The following ZRANB3 variants were observed in gnomAD, a reference collection of about 807,000 sequenced individuals.
The protein encoded by ZRANB3 is zinc finger RANBP2-type containing 3.
Under a neutral mutation model 133.8 loss-of-function variants are expected in ZRANB3, and 125 were observed. The observed-to-expected ratio is 0.93, with a 90% CI of 0.81 to 1.08. ZRANB3 has a LOEUF of 1.08. Among genes scored for constraint, ZRANB3 ranks in the 50% least tolerant of loss-of-function variants. The pLI, the probability that ZRANB3 is intolerant of heterozygous loss-of-function variation, is 0.00. For synonymous variants in ZRANB3, 387 were observed against 432.7 expected, an observed-to-expected ratio of 0.89 and a Z score of 1.31; for missense variants, 1,229 against 1,275.5, an observed-to-expected ratio of 0.96 and a Z score of 0.56.
At chr2:135,499,144 C>T (rs560998377) in intron 2 of ZRANB3, among the ~76,000 whole-genome samples, 1 of 152,168 alleles carries the variant, frequency 6.6e-6, no homozygotes, top group East Asian at 1.9e-4. Context: ...TTGATGTCTC[C>T]CCTGGACATC....
At chr2:135,340,109 T>A (rs538960225) in intron 6 of ZRANB3, among the ~76,000 whole-genome samples, 5 of 151,134 alleles carry the variant, frequency 3.3e-5, no homozygotes, top group African/African-American at 1.2e-4. Context: ...CTTTTCTTTT[T>A]TTTTTTTTTT....
At chr2:135,291,650 T>C (rs1040493049) in intron 8 of ZRANB3, among the ~76,000 whole-genome samples, 1 of 151,926 alleles carries the variant, frequency 6.6e-6, no homozygotes, top group African/African-American at 2.4e-5. Context: ...AACATACAGG[T>C]TTGTTACATA....
intron 2 of ZRANB3, among the ~76,000 whole-genome samples, chr2:135,469,880 C>T (rs1170880046): frequency 4.0e-5 from 6 of 150,880 alleles, no homozygotes; most frequent in Non-Finnish European, 5.9e-5. Context: ...GGCGTGGTGG[C>T]GGGCGCCTGT....
chr2:135,389,114 C>CA (rs1223272614), intron 3 of ZRANB3, among the ~76,000 whole-genome samples: 1 of 152,010 alleles, frequency 6.6e-6, no homozygotes. Context: ...AACAAGCAAA[C>CA]AAAAAACAAC....
At chr2:135,513,625 T>C (rs1693571165) in intron 1 of ZRANB3, among the ~76,000 whole-genome samples, 2 of 151,992 alleles carry the variant, frequency 1.3e-5, no homozygotes, top group Admixed American at 6.6e-5. Context: ...AACACAAGAG[T>C]AAACCTTTGT....
intron 2 of ZRANB3, among the ~76,000 whole-genome samples, chr2:135,440,537 G>T (rs1382454857): frequency 6.6e-6 from 1 of 152,184 alleles, no homozygotes; most frequent in Non-Finnish European, 1.5e-5. Context: ...AGCCTATATG[G>T]TAAGAAATGT....
chr2:135,297,569 GCTGCACCCACTGTC>G (rs775682639), intron 8 of ZRANB3, among the ~76,000 whole-genome samples: 10 of 152,100 alleles, frequency 6.6e-5, no homozygotes, highest in Non-Finnish European at 1.2e-4. Context: ...TGCACCGTGC[GCTGCACCCACTGTC>G]CTGCACCCAC....
At chr2:135,393,570 C>T (rs1205323099) in intron 2 of ZRANB3, among the ~76,000 whole-genome samples, 2 of 151,746 alleles carry the variant, frequency 1.3e-5, no homozygotes, top group African/African-American at 4.8e-5. Flanking sequence ...GGAGAGGCAA[C>T]AATTAAGTAA....
At chr2:135,438,505 CAAAA>C (rs1157022707) in intron 2 of ZRANB3, among the ~76,000 whole-genome samples, 7 of 74,878 alleles carry the variant, frequency 9.3e-5, no homozygotes, top group African/African-American at 1.9e-4. Flanking sequence ...AACCCCGTCT[CAAAA>C]AAAAAAAAAA....
At chr2:135,525,068 G>A (rs1460748221) in intron 1 of ZRANB3, among the ~76,000 whole-genome samples, 2 of 152,050 alleles carry the variant, frequency 1.3e-5, no homozygotes, top group African/African-American at 2.4e-5. Context: ...CTAGCCATAG[G>A]AAGAAAACAT....
rs549750198 is a variant in ZRANB3 at position 135,385,737 on chromosome 2, G to A, written c.180+5065C>T. Among the ~76,000 whole-genome samples, 10 of 152,282 alleles carry A rather than the reference G, an allele frequency of 6.6e-5. No homozygotes were observed. The South Asian group carries it at 1.0e-3, about 16-fold the overall frequency. On this transcript the variant is annotated intron_variant, in intron 3 of 20. Coordinates refer to ENST00000264159, the MANE Select transcript of ZRANB3 (RefSeq NM_032143.4). ...AAACCTGACAAAAACAAAAAATGGG[G>A]AAAGGATTACCTGTTTAATAAATGG...
chr2:135,507,319 T>C (rs1385730156), intron 1 of ZRANB3, among the ~76,000 whole-genome samples: 1 of 152,116 alleles, frequency 6.6e-6, no homozygotes, highest in Non-Finnish European at 1.5e-5. Flanking sequence ...TGCTTGAAAA[T>C]ATATGAGTCT....
Position 135,316,983 on chromosome 2 carries a change from AATAT to A in ZRANB3, c.678-1457_678-1454del, listed in dbSNP as rs1553471635. On this transcript the variant is annotated intron_variant, in intron 6 of 20. Transcript: ENST00000264159. Reference sequence around the variant, plus strand: ...CCGTCTCGAGAAAAAAAAAAAAAAAAATATATATATATATATATACTTGCATGTA... The same window carrying A: ...CCGTCTCGAGAAAAAAAAAAAAAAAAATATATATATATATACTTGCATGTA... 2.6e-3 allele frequency among the ~76,000 whole-genome samples: 343 copies of A among 131,472 alleles called. 1 individual carries two copies. The highest frequency in any genetic ancestry group is 0.01 in the African/African-American group (315 of 31,094). 86.3% of individuals were successfully genotyped at this position (131,472 alleles called of 152,430 possible).
intron 12 of ZRANB3, among the ~76,000 whole-genome samples, chr2:135,242,171 C>G (rs1386281958): frequency 6.6e-6 from 1 of 151,008 alleles, no homozygotes; most frequent in Non-Finnish European, 1.5e-5. Context: ...GAGTGAGACT[C>G]TGTCTCCAAA....
At chr2:135,323,070 T>C (rs1256487100) in intron 6 of ZRANB3, among the ~76,000 whole-genome samples, 1 of 152,110 alleles carries the variant, frequency 6.6e-6, no homozygotes, top group Admixed American at 6.6e-5. Flanking sequence ...TACCACTCCA[T>C]TCATTTAGGT....
At chr2:135,378,649 GTGAT>G (rs151001709) in intron 3 of ZRANB3, among the ~76,000 whole-genome samples, 239 of 152,284 alleles carry the variant, frequency 1.6e-3, no homozygotes, top group African/African-American at 5.4e-3. Flanking sequence ...CTTAAGCCAG[GTGAT>G]TGGGATTAAC....
rs1553471634 is a variant in ZRANB3, at chr2:135,316,983, A to ATATATAT, written c.678-1454_678-1453insATATATA. On this transcript the variant is annotated intron_variant, in intron 6 of 20. Transcript: ENST00000264159. ...CCGTCTCGAGAAAAAAAAAAAAAAA[A>ATATATAT]ATATATATATATATATATACTTGCA... 2.7e-3 allele frequency among the ~76,000 whole-genome samples: 358 copies of ATATATAT among 131,406 alleles called. 1 individual carries two copies. Among genetic ancestry groups the ATATATAT allele is most frequent in the African/African-American group, 0.011 (343 of 31,032 alleles). 86.2% of individuals were successfully genotyped at this position (131,406 alleles called of 152,430 possible).
At chr2:135,434,429 T>C (rs1689444564) in intron 2 of ZRANB3, among the ~76,000 whole-genome samples, 1 of 152,140 alleles carries the variant, frequency 6.6e-6, no homozygotes. Flanking sequence ...GATTTAAGAA[T>C]AAAGCCAGTT....
intron 3 of ZRANB3, among the ~76,000 whole-genome samples, chr2:135,387,442 A>G (rs1257405260): frequency 6.6e-6 from 1 of 152,238 alleles, no homozygotes; most frequent in East Asian, 1.9e-4. Flanking sequence ...ATTAACTTTC[A>G]TCCACACTGG....
Sources: allele counts gnomAD v4.1 joint callset (sites outside exome capture counted in the v4.1 genomes callset), GRCh38; gene constraint gnomAD v4.1.1; transcripts MANE v1.5; gene names NCBI Gene and HGNC (gene_info 2026-07-23, HGNC 2026-07-21).